The following MARCHF7 variants were observed in gnomAD, a reference collection of about 807,000 sequenced individuals.
MARCHF7 encodes the protein E3 ubiquitin-protein ligase MARCHF7.
MARCHF7 carries 20 observed loss-of-function variants against 76.5 expected under a neutral mutation model. That is an observed-to-expected ratio of 0.26 (90% CI 0.18 to 0.38). MARCHF7 has a LOEUF of 0.38. Ranked by LOEUF, MARCHF7 falls within the 10% of genes least tolerant of loss-of-function variation. The probability of loss-of-function intolerance (pLI) is 1.00; values close to 1 mark genes in which losing one functional copy is unlikely to be tolerated. For missense variants in MARCHF7, 797 were observed against 812.9 expected, an observed-to-expected ratio of 0.98 and a Z score of 0.24; for synonymous variants, 295 against 293.0, an observed-to-expected ratio of 1.01 and a Z score of -0.07.
In MARCHF7 at chr2:159,729,181, AT is replaced by A. The variant is rs773983924; in HGVS notation, c.153+11del. 1.3e-6 allele frequency: 2 copies of A among 1,585,116 alleles called. No homozygotes were observed. The highest frequency in any genetic ancestry group is 2.3e-5 in the East Asian group (1 of 44,100). ...GATTGGATTCTGAATATCAGGTAAC[AT>A]TTTTATTTGGAATATATGTATACAG... On this transcript the variant is annotated splice_region_variant and intron_variant, in intron 4 of 11. Transcript: ENST00000409175.
intron 7 of MARCHF7, among the ~76,000 whole-genome samples, chr2:159,752,188 A>G (rs987385443): frequency 1.1e-4 from 17 of 152,172 alleles, no homozygotes; most frequent in Admixed American, 2.6e-4. Flanking sequence ...ACTTGTTACA[A>G]TTTTTATTCT....
intron 3 of MARCHF7, among the ~76,000 whole-genome samples, chr2:159,725,278 A>G (rs1702038468): frequency 6.6e-6 from 1 of 152,176 alleles, no homozygotes; most frequent in South Asian, 2.1e-4. Context: ...AGGATGGTTA[A>G]ACTAGTTTAC....
chr2:159,733,984 C>T, intron 4 of MARCHF7: 3 of 1,315,080 alleles, frequency 2.3e-6, no homozygotes, highest in South Asian at 2.5e-5. Flanking sequence ...TGCGCTTCAC[C>T]TGCTACTAAT....
Position 159,749,744 on chromosome 2 carries a change from G to T in MARCHF7, c.1613+841G>T, listed in dbSNP as rs537431972. Among the ~76,000 whole-genome samples, 989 of 149,536 alleles carry T rather than the reference G, an allele frequency of 6.6e-3. 8 individuals carry two copies. The highest frequency in any genetic ancestry group is 0.02 in the African/African-American group (819 of 40,880). On this transcript the variant is annotated intron_variant, in intron 7 of 11. Transcript: ENST00000409175. ...GGTAGGCAATGGTTGGGGCGGGGGGGGCGGTTGTGAATTGTGTCAGAAAGT... is the reference window on the plus strand; with the variant it reads ...GGTAGGCAATGGTTGGGGCGGGGGGTGCGGTTGTGAATTGTGTCAGAAAGT...
At chr2:159,740,387 T>G (rs567429835) in intron 4 of MARCHF7, among the ~76,000 whole-genome samples, 4 of 152,242 alleles carry the variant, frequency 2.6e-5, no homozygotes, top group Non-Finnish European at 5.9e-5. Flanking sequence ...CATTCTGAAT[T>G]ATATCCTTTA....
rs111975286 is a variant in MARCHF7, at chr2:159,747,926, A to C, written c.636A>C (p.Ile212=). 1.9e-6 allele frequency: 3 copies of C among 1,614,178 alleles called. No individual in the cohort carries two copies. Residue 212 remains isoleucine, a synonymous_variant, in exon 7 of 12, where the codon ATA becomes ATC. Coordinates refer to ENST00000409175, the MANE Select transcript of MARCHF7 (RefSeq NM_001282805.2). Reference sequence around the variant, plus strand: ...AATTGCCTTCTGAACATCAGACCATACTAAGTTCTAGGGACTCCAGAAATT... The same window carrying C: ...AATTGCCTTCTGAACATCAGACCATCCTAAGTTCTAGGGACTCCAGAAATT... ...NHQLPSEHQT[I]LSSRDSRNSL... is the part of the protein sequence containing the mutation.
intron 4 of MARCHF7, among the ~76,000 whole-genome samples, chr2:159,735,508 G>A (rs898444930): frequency 2.0e-5 from 3 of 152,136 alleles, no homozygotes; most frequent in Non-Finnish European, 1.5e-5. Flanking sequence ...CCAGTGCAAA[G>A]CAACCATTAA....
chr2:159,728,002 G>A (rs1702369683), intron 3 of MARCHF7, among the ~76,000 whole-genome samples: 1 of 152,024 alleles, frequency 6.6e-6, no homozygotes, highest in South Asian at 2.1e-4. Context: ...CATTTTATTT[G>A]CATAAATAGA....
chr2:159,744,280 G>A (rs1409638063), intron 5 of MARCHF7, among the ~76,000 whole-genome samples: 4 of 152,082 alleles, frequency 2.6e-5, no homozygotes, highest in East Asian at 1.9e-4. Context: ...GAGCCACCGC[G>A]CCCGGCCTAG....
chr2:159,732,112 CAAAA>C (rs897493357), intron 4 of MARCHF7, among the ~76,000 whole-genome samples: 21 of 150,118 alleles, frequency 1.4e-4, no homozygotes, highest in Non-Finnish European at 2.8e-4. Flanking sequence ...TCAAAAAAAA[CAAAA>C]AACAAAAAAC....
chr2:159,740,113 T>C (rs1490307477), intron 4 of MARCHF7, among the ~76,000 whole-genome samples: 2 of 152,250 alleles, frequency 1.3e-5, no homozygotes, highest in Non-Finnish European at 2.9e-5. Context: ...ATAATTGCCC[T>C]CTATTCCCAT....
Position 159,748,353 on chromosome 2 carries a change from T to G in MARCHF7, c.1063T>G (p.Trp355Gly). Reference sequence around the variant, plus strand: ...GGGATTTCGATTTCTTAGGCGAAGATGGGGTTTGTCATCTCTTAGCCACAA... The same window carrying G: ...GGGATTTCGATTTCTTAGGCGAAGAGGGGGTTTGTCATCTCTTAGCCACAA... ...SQGFRFLRRR[W>G]GLSSLSHNHS... is the part of the protein sequence containing the mutation. Residue 355 changes from tryptophan (W) to glycine (G), a missense_variant, in exon 7 of 12, where the codon TGG (tryptophan) becomes GGG (glycine). Transcript: ENST00000409175. 1 of 1,613,744 alleles carries G rather than the reference T, an allele frequency of 6.2e-7. No homozygotes were observed. Among genetic ancestry groups the G allele is most frequent in the Non-Finnish European group, 8.5e-7 (1 of 1,180,000 alleles).
chr2:159,736,379 A>G (rs1426682148), intron 4 of MARCHF7, among the ~76,000 whole-genome samples: 1 of 152,212 alleles, frequency 6.6e-6, no homozygotes, highest in Non-Finnish European at 1.5e-5. Context: ...GATGTTATAC[A>G]TCTTTTCATG....
intron 3 of MARCHF7, among the ~76,000 whole-genome samples, chr2:159,716,601 C>T (rs1559986634): frequency 6.6e-6 from 1 of 151,932 alleles, no homozygotes; most frequent in Non-Finnish European, 1.5e-5. Flanking sequence ...AGTGATTGCA[C>T]CACTGCACTC....
chr2:159,743,046 T>G lies in MARCHF7; in HGVS notation c.154-15T>G. 6.3e-7 allele frequency: 1 copy of G among 1,599,122 alleles called. No homozygotes were observed. The highest frequency in any genetic ancestry group is 8.5e-7 in the Non-Finnish European group (1 of 1,172,078). ...GCAGCCTTTTGTTGTTTAAAAAATT[T>G]TTTTGAACTCACAGTCTACATCAGC... On this transcript the variant is annotated splice_polypyrimidine_tract_variant and intron_variant, in intron 4 of 11. Transcript: ENST00000409175.
chr2:159,743,842 A>G (rs569157986), intron 5 of MARCHF7, among the ~76,000 whole-genome samples: 40 of 151,782 alleles, frequency 2.6e-4, no homozygotes, highest in African/African-American at 8.5e-4. Context: ...CAGGAGTTTG[A>G]GGTTATGGTG....
At position 159,731,493 on chromosome 2, in the gene MARCHF7, G is replaced by C. The variant is rs180898112; in HGVS notation, c.153+2318G>C. 3.7e-4 allele frequency among the ~76,000 whole-genome samples: 57 copies of C among 152,206 alleles called. No homozygotes were observed. In the East Asian group the frequency reaches 0.011, roughly 29 times the overall value. ...TTTCTGGCCTGGCATGGTGGCTCAC[G>C]CCTGTAGTCCCAGCACTTTGGGAGG... On this transcript the variant is annotated intron_variant, in intron 4 of 11. Transcript: ENST00000409175.
At chr2:159,758,056 C>G (rs1706554350) in intron 8 of MARCHF7, among the ~76,000 whole-genome samples, 1 of 152,146 alleles carries the variant, frequency 6.6e-6, no homozygotes, top group African/African-American at 2.4e-5. Context: ...ACTACTTAAT[C>G]TTTTTTGAAT....
At chr2:159,738,024 G>A (rs1239396494) in intron 4 of MARCHF7, among the ~76,000 whole-genome samples, 3 of 152,150 alleles carry the variant, frequency 2.0e-5, no homozygotes, top group Non-Finnish European at 2.9e-5. Context: ...CTATCAGCTC[G>A]GATCCCACGC....
Sources: allele counts gnomAD v4.1 joint callset (sites outside exome capture counted in the v4.1 genomes callset), GRCh38; gene constraint gnomAD v4.1.1; transcripts MANE v1.5; gene names NCBI Gene and HGNC (gene_info 2026-07-23, HGNC 2026-07-21).